The following GRIA3 variants were observed in gnomAD, a reference collection of about 807,000 sequenced individuals.
GRIA3 encodes glutamate ionotropic receptor AMPA type subunit 3.
GRIA3 carries 3 observed loss-of-function variants against 63.0 expected under a neutral mutation model. That is an observed-to-expected ratio of 0.05 (90% CI 0.02 to 0.12). The LOEUF is 0.12. Among genes scored for constraint, GRIA3 ranks in the 10% least tolerant of loss-of-function variants. The probability of loss-of-function intolerance (pLI) is 1.00; values close to 1 mark genes in which losing one functional copy is unlikely to be tolerated. For synonymous variants in GRIA3, 274 were observed against 257.9 expected, an observed-to-expected ratio of 1.06 and a Z score of -0.60; for missense variants, 347 against 700.9, an observed-to-expected ratio of 0.50 and a Z score of 5.70.
chrX:123,187,228 A>G (rs1927303125), intron 2 of GRIA3, among the ~76,000 whole-genome samples: 1 of 111,793 alleles, frequency 8.9e-6, no homozygotes, highest in Non-Finnish European at 1.9e-5. Flanking sequence ...GGGTCTCTCC[A>G]AGGGCACAGG....
rs2045743515 is a variant in GRIA3 at position 123,453,282 on chromosome X, A to G, written c.2077-11583A>G. The stretch of plus-strand genomic sequence containing the variant: ...TGGAAACCATCATTCTGAGCAAACT[A>G]TCAAAAGGACAGAAAACCAAACACC... On this transcript the variant is annotated intron_variant, in intron 12 of 15. Transcript: ENST00000620443. Among the ~76,000 whole-genome samples, 4 of 111,064 alleles carry G rather than the reference A, an allele frequency of 3.6e-5. No individual in the cohort carries two copies. In the South Asian group the frequency reaches 1.6e-3, roughly 43 times the overall value.
chrX:123,359,797 G>C (rs2045157267), intron 5 of GRIA3, among the ~76,000 whole-genome samples: 1 of 111,808 alleles, frequency 8.9e-6, no homozygotes. Context: ...GCCATAGCAG[G>C]GCTCATTCAG....
intron 3 of GRIA3, among the ~76,000 whole-genome samples, chrX:123,325,053 G>C: frequency 8.9e-6 from 1 of 111,833 alleles, no homozygotes; most frequent in Non-Finnish European, 1.9e-5. Context: ...AAACTATTTA[G>C]GTTTATGGGA....
intron 12 of GRIA3, among the ~76,000 whole-genome samples, chrX:123,439,829 AG>A (rs2045664012): frequency 9.1e-6 from 1 of 110,032 alleles, no homozygotes; most frequent in East Asian, 2.8e-4. Context: ...AGGTTTGTGA[AG>A]GTTTGTTATA....
chrX:123,235,593 A>G lies in GRIA3; in HGVS notation c.269-17710A>G, dbSNP rs1191587222. The stretch of plus-strand genomic sequence containing the variant: ...ATTTCTAATTTTGATGGCCAGACAC[A>G]GAAATATTTGTTTAATGAGTGACAG... On this transcript the variant is annotated intron_variant, in intron 2 of 15. Transcript: ENST00000620443. 3.6e-5 allele frequency among the ~76,000 whole-genome samples: 4 copies of G among 111,805 alleles called. No individual in the cohort carries two copies. In the Admixed American group the frequency reaches 3.8e-4, roughly 11 times the overall value.
rs760032706 is a variant in GRIA3 at position 123,464,851 on chromosome X, T to C, written c.2077-14T>C. 1.7e-6 allele frequency: 2 copies of C among 1,202,639 alleles called. No individual in the cohort carries two copies. The highest frequency in any genetic ancestry group is 2.3e-6 in the Non-Finnish European group (2 of 887,956). On this transcript the variant is annotated splice_polypyrimidine_tract_variant and intron_variant, in intron 12 of 15. Coordinates refer to ENST00000620443, the MANE Select transcript of GRIA3 (RefSeq NM_007325.5). ...TATCTGGCAGCTCTAAGAATTCTTA[T>C]CTCTTTGGTGCAGAGATCCAAAATT...
intron 11 of GRIA3, among the ~76,000 whole-genome samples, chrX:123,425,401 T>C: frequency 8.9e-6 from 1 of 111,811 alleles, no homozygotes; most frequent in Non-Finnish European, 1.9e-5. Context: ...TAGAACAGAG[T>C]CTGGCACACA....
chrX:123,281,135 G>C (rs1397770703), intron 3 of GRIA3, among the ~76,000 whole-genome samples: 2 of 111,638 alleles, frequency 1.8e-5, no homozygotes, highest in Admixed American at 9.6e-5. Flanking sequence ...CACAGTAGGA[G>C]TAATATATGA....
At chrX:123,367,914 T>C (rs1386681191) in intron 5 of GRIA3, among the ~76,000 whole-genome samples, 1 of 112,318 alleles carries the variant, frequency 8.9e-6, no homozygotes, top group Non-Finnish European at 1.9e-5. Context: ...AAGTAAAAAC[T>C]TGTAAAATCG....
chrX:123,268,339 G>A (rs763163486), intron 3 of GRIA3, among the ~76,000 whole-genome samples: 58 of 110,557 alleles, frequency 5.2e-4, no homozygotes, highest in African/African-American at 1.8e-3. Context: ...TGGCACAAAT[G>A]TATTCCTTCT....
chrX:123,269,757 C>T (rs2044509348), intron 3 of GRIA3, among the ~76,000 whole-genome samples: 1 of 111,894 alleles, frequency 8.9e-6, no homozygotes, highest in Non-Finnish European at 1.9e-5. Flanking sequence ...CATAGCCAGC[C>T]ATCCGCCTAT....
At chrX:123,470,615 C>T (rs1050508086) in intron 13 of GRIA3, among the ~76,000 whole-genome samples, 1 of 111,949 alleles carries the variant, frequency 8.9e-6, no homozygotes, top group East Asian at 2.8e-4. Flanking sequence ...TTTCCAAAAT[C>T]CCTCAGCTTC....
intron 2 of GRIA3, among the ~76,000 whole-genome samples, chrX:123,235,419 T>C (rs1280115814): frequency 3.6e-5 from 4 of 112,030 alleles, no homozygotes; most frequent in Non-Finnish European, 7.5e-5. Context: ...AAGCTGCTCA[T>C]GTTAAGATCT....
chrX:123,386,498 G>A (rs754070522), intron 5 of GRIA3, among the ~76,000 whole-genome samples: 23 of 111,152 alleles, frequency 2.1e-4, no homozygotes, highest in Non-Finnish European at 1.1e-4. Flanking sequence ...TTTGTTGCCT[G>A]TGCTTTTGAA....
intron 5 of GRIA3, among the ~76,000 whole-genome samples, chrX:123,360,695 CA>C (rs751591594): frequency 1.5e-4 from 8 of 52,399 alleles, no homozygotes; most frequent in South Asian, 1.4e-3. Flanking sequence ...GACTCTGTCT[CA>C]AAAAAAAAAA....
In GRIA3 at chrX:123,439,583, GT is replaced by G. The variant is rs367754391; in HGVS notation, c.2076+11455del. 7.2e-3 allele frequency among the ~76,000 whole-genome samples: 702 copies of G among 97,881 alleles called. 5 individuals carry two copies. Among genetic ancestry groups the G allele is most frequent in the African/African-American group, 0.019 (520 of 27,238 alleles). 85.0% of individuals were successfully genotyped at this position (97,881 alleles called of 115,157 possible). A position where few individuals can be genotyped will look rare whatever the true frequency, so the allele number is the denominator to read the frequency against. ...ATTTTTATGAGAAATATTTTATTTTGTTTTTTTTTTTAATTAAGGTATGTTA... is the reference window on the plus strand; with the variant it reads ...ATTTTTATGAGAAATATTTTATTTTGTTTTTTTTTTAATTAAGGTATGTTA... On this transcript the variant is annotated intron_variant, in intron 12 of 15. Transcript: ENST00000620443.
intron 5 of GRIA3, among the ~76,000 whole-genome samples, chrX:123,382,686 A>G (rs2045331786): frequency 2.7e-5 from 3 of 111,625 alleles, no homozygotes; most frequent in Admixed American, 1.9e-4. Context: ...TTTCTCTGCC[A>G]GAAAAAGGGT....
chrX:123,356,887 T>A (rs1367780993), intron 5 of GRIA3, among the ~76,000 whole-genome samples: 1 of 111,479 alleles, frequency 9.0e-6, no homozygotes, highest in Non-Finnish European at 1.9e-5. Context: ...GTCGGATGGG[T>A]CATTTGAAAG....
At chrX:123,479,976 C>T (rs1338358242) in intron 13 of GRIA3, 87 bp from the exon 14 acceptor site, 8 of 673,345 alleles carry the variant, frequency 1.2e-5, no homozygotes, top group South Asian at 2.3e-5. Context: ...CCTGCTTTAT[C>T]GCTTTCTATA....
Sources: gnomAD v4.1 joint callset for allele counts (sites outside exome capture counted in the v4.1 genomes callset) on GRCh38, gnomAD v4.1.1 for gene constraint, MANE v1.5 for transcripts, NCBI Gene and HGNC (gene_info 2026-07-23, HGNC 2026-07-21) for gene names.